The following TPCN1 variants were observed in gnomAD, a reference collection of about 807,000 sequenced individuals.
TPCN1 encodes two pore channel protein 1.
Under a neutral mutation model 108.8 loss-of-function variants are expected in TPCN1, and 52 were observed. The observed-to-expected ratio is 0.48, with a 90% CI of 0.38 to 0.60. The LOEUF is 0.60. TPCN1 is among the 20% of genes least tolerant of loss of function. The pLI, the probability that TPCN1 is intolerant of heterozygous loss-of-function variation, is 0.00. For missense variants in TPCN1, 806 were observed against 1,072.8 expected (o/e 0.75, Z 3.47); for synonymous variants, 446 against 433.7 (o/e 1.03, Z -0.35).
chr12:113,245,383 G>C (rs1432785093), intron 2 of TPCN1, among the ~76,000 whole-genome samples: 1 of 121,754 alleles, frequency 8.2e-6, no homozygotes, highest in African/African-American at 3.4e-5. Flanking sequence ...GGATCACGAG[G>C]TCAGGAGATC....
At chr12:113,230,615 T>A (rs1277493644) in intron 2 of TPCN1, among the ~76,000 whole-genome samples, 1 of 152,190 alleles carries the variant, frequency 6.6e-6, no homozygotes, top group Non-Finnish European at 1.5e-5. Flanking sequence ...CTTAGTCACC[T>A]TTAAAGGCCC....
intron 2 of TPCN1, chr12:113,249,357 C>T (rs1218134331): frequency 6.6e-6 from 1 of 152,210 alleles, no homozygotes; most frequent in African/African-American, 2.4e-5. Flanking sequence ...GAGCCACCCC[C>T]TACATTTCTC....
chr12:113,286,131 C>G (rs576805815), intron 18 of TPCN1, among the ~76,000 whole-genome samples, 170 bp downstream of exon 18: 2 of 152,310 alleles, frequency 1.3e-5, no homozygotes, highest in South Asian at 4.1e-4. Flanking sequence ...CCCAGGAACT[C>G]CCCAGGGTCA....
chr12:113,273,174 C>T lies in TPCN1; in HGVS notation c.784-58C>T. On this transcript the variant is annotated intron_variant, in intron 8 of 27. Transcript: ENST00000335509. The surrounding 1 kb of genome is among the most constrained non-coding windows in gnomAD (Gnocchi z 4.0). ...GCCAGGTGGCCCATCACAGCCTGTTCCTGATGGCCGTGTGCTCTTGGCTGG... is the reference window on the plus strand; with the variant it reads ...GCCAGGTGGCCCATCACAGCCTGTTTCTGATGGCCGTGTGCTCTTGGCTGG... 2 of 1,534,064 alleles carry T rather than the reference C, an allele frequency of 1.3e-6. No individual in the cohort carries two copies. The highest frequency in any genetic ancestry group is 1.8e-6 in the Non-Finnish European group (2 of 1,107,290).
At chr12:113,247,771 C>T (rs1292355052) in intron 2 of TPCN1, among the ~76,000 whole-genome samples, 1 of 152,212 alleles carries the variant, frequency 6.6e-6, no homozygotes, top group Non-Finnish European at 1.5e-5. Context: ...AGGCCCTTTG[C>T]GATCACCTGT....
rs779801701 is a variant in TPCN1 at position 113,272,715 on chromosome 12, C to T, written c.783+23C>T. ...CCCGTAAGTAATCAGCACATTTGTCCGTCTCTTCTTTTATGGAGGGCTTTT... is the reference window on the plus strand; with the variant it reads ...CCCGTAAGTAATCAGCACATTTGTCTGTCTCTTCTTTTATGGAGGGCTTTT... On this transcript the variant is annotated intron_variant, in intron 8 of 27. Coordinates refer to ENST00000335509, the MANE Select transcript of TPCN1 (RefSeq NM_017901.6). The surrounding 1 kb of genome is among the most constrained non-coding windows in gnomAD (Gnocchi z 4.1). 9.1e-5 allele frequency: 147 copies of T among 1,610,492 alleles called. 1 individual carries two copies. Among genetic ancestry groups the T allele is most frequent in the Non-Finnish European group, 1.2e-4 (138 of 1,176,800 alleles).
Position 113,273,544 on chromosome 12 carries a change from G to A in TPCN1, c.843-25G>A, listed in dbSNP as rs1165347525. ...GGATGGAGACAGGCAGATACAGCAC[G>A]CCGGGTCACCCTCTGCAAATACAGT... On this transcript the variant is annotated intron_variant, in intron 9 of 27. Coordinates refer to ENST00000335509, the MANE Select transcript of TPCN1 (RefSeq NM_017901.6). The surrounding 1 kb of genome is among the most constrained non-coding windows in gnomAD (Gnocchi z 4.0). 9 of 1,582,424 alleles carry A rather than the reference G, an allele frequency of 5.7e-6. No homozygotes were observed. Among genetic ancestry groups the A allele is most frequent in the African/African-American group, 5.4e-5 (4 of 74,244 alleles).
intron 3 of TPCN1, among the ~76,000 whole-genome samples, chr12:113,261,646 C>T (rs999487621): frequency 1.3e-5 from 2 of 152,032 alleles, no homozygotes. Context: ...CCAGGCTGAT[C>T]TCAAACTCTT....
Position 113,272,764 on chromosome 12 carries a change from G to T in TPCN1, c.783+72G>T. On this transcript the variant is annotated intron_variant, in intron 8 of 27. Transcript: ENST00000335509. The surrounding 1 kb of genome is among the most constrained non-coding windows in gnomAD (Gnocchi z 4.1). ...TTCCCTCAGACAGGGTCACCGGCGT[G>T]ACCCTGTGGCCATATGGGGAAGGGG... 1 of 1,499,432 alleles carries T rather than the reference G, an allele frequency of 6.7e-7. No homozygotes were observed. Among genetic ancestry groups the T allele is most frequent in the South Asian group, 1.1e-5 (1 of 88,628 alleles). The allele number at this position is 1,499,432 out of a possible 1,614,324, so 92.9% of individuals were successfully genotyped here. A position where few individuals can be genotyped will look rare whatever the true frequency, so the allele number is the denominator to read the frequency against.
intron 17 of TPCN1, among the ~76,000 whole-genome samples, chr12:113,285,571 T>C (rs1956046626): frequency 6.6e-6 from 1 of 152,224 alleles, no homozygotes; most frequent in African/African-American, 2.4e-5. Context: ...AGATGGGGTC[T>C]CACTATGTTG....
intron 18 of TPCN1, 33 bp downstream of exon 18, chr12:113,285,994 G>A (rs763172765): frequency 5.7e-6 from 9 of 1,584,896 alleles, no homozygotes; most frequent in South Asian, 5.5e-5. Context: ...ACCCAAAGCT[G>A]AGACTCTTGA....
chr12:113,245,600 CAAAAAAAAA>C (rs766002477), intron 2 of TPCN1, among the ~76,000 whole-genome samples: 2 of 43,198 alleles, frequency 4.6e-5, no homozygotes, highest in Admixed American at 4.5e-4. Context: ...GACTCCGTCT[CAAAAAAAAA>C]AAAAAAAAAA....
chr12:113,268,977 G>A lies in TPCN1; in HGVS notation c.659+105G>A. 2.3e-6 allele frequency: 3 copies of A among 1,322,040 alleles called. No individual in the cohort carries two copies. The highest frequency in any genetic ancestry group is 1.9e-4 in the Middle Eastern group (1 of 5,168). 81.9% of individuals were successfully genotyped at this position (1,322,040 alleles called of 1,614,324 possible). A position where few individuals can be genotyped will look rare whatever the true frequency, so the allele number is the denominator to read the frequency against. The stretch of plus-strand genomic sequence containing the variant: ...GTCAGTTAGTGATGAGGTCGACCCT[G>A]CATGCTGGTGGAGTACACGCAGACT... On this transcript the variant is annotated intron_variant, in intron 6 of 27. Coordinates refer to ENST00000335509, the MANE Select transcript of TPCN1 (RefSeq NM_017901.6). This position sits in a 1 kb window ranked among gnomAD's most constrained non-coding sequence, Gnocchi z 7.3.
chr12:113,233,738 T>C (rs1354268176), intron 2 of TPCN1, among the ~76,000 whole-genome samples: 2 of 152,218 alleles, frequency 1.3e-5, no homozygotes, highest in Non-Finnish European at 2.9e-5. Flanking sequence ...CAAAGCACTT[T>C]TGTGCTGCTA....
chr12:113,280,704 T>A (rs1955857485), intron 15 of TPCN1, among the ~76,000 whole-genome samples: 1 of 152,272 alleles, frequency 6.6e-6, no homozygotes, highest in Non-Finnish European at 1.5e-5. Flanking sequence ...CACAAATGGC[T>A]AATGACTACC....
At position 113,296,245 on chromosome 12, in the gene TPCN1, TCTTC is replaced by T. The variant is rs1286248343; in HGVS notation, c.*173_*176del. The T allele has an allele frequency of 2.7e-6, 3 of 1,115,950 alleles. No homozygotes were observed. Among genetic ancestry groups the T allele is most frequent in the Admixed American group, 2.8e-5 (1 of 35,846 alleles). 69.1% of individuals were successfully genotyped at this position (1,115,950 alleles called of 1,614,324 possible). A position where few individuals can be genotyped will look rare whatever the true frequency, so the allele number is the denominator to read the frequency against. On this transcript the variant is annotated 3_prime_UTR_variant, in exon 28 of 28. Transcript: ENST00000335509. ...CTTGGTTTATAACCACCTTGCCCTG[TCTTC>T]CTTAACTCCAGAAGCCAGTTTGGTG...
chr12:113,274,188 C>T lies in TPCN1; in HGVS notation c.942+520C>T, dbSNP rs112695200. Among the ~76,000 whole-genome samples the T allele has an allele frequency of 2.0e-5, 3 of 152,190 alleles. No individual in the cohort carries two copies. In the South Asian group the frequency reaches 6.2e-4, roughly 32 times the overall value. ...TTATACTGGGCTGGACATGGTGGCT[C>T]ACGCCTGTAATCCCAGCATTTTGGG... On this transcript the variant is annotated intron_variant, in intron 10 of 27. Transcript: ENST00000335509.
In TPCN1 at chr12:113,273,951, T is replaced by G. The variant is rs1043633899; in HGVS notation, c.942+283T>G. Among the ~76,000 whole-genome samples the G allele has an allele frequency of 2.0e-5, 3 of 152,206 alleles. No individual in the cohort carries two copies. Among genetic ancestry groups the G allele is most frequent in the Admixed American group, 6.5e-5 (1 of 15,282 alleles). On this transcript the variant is annotated intron_variant, in intron 10 of 27. Coordinates refer to ENST00000335509, the MANE Select transcript of TPCN1 (RefSeq NM_017901.6). This position sits in a 1 kb window ranked among gnomAD's most constrained non-coding sequence, Gnocchi z 4.0. ...AGGCAACCCTGGGACCTTTTCATTC[T>G]TACATCAGAAATAAGCAGTTGACCC...
At position 113,296,368 on chromosome 12, in the gene TPCN1, C is replaced by A; in HGVS notation, c.*292C>A. 2.6e-6 allele frequency: 1 copy of A among 381,414 alleles called. No individual in the cohort carries two copies. The highest frequency in any genetic ancestry group is 4.8e-6 in the Non-Finnish European group (1 of 209,550). 23.6% of individuals were successfully genotyped at this position (381,414 alleles called of 1,614,324 possible). A position where few individuals can be genotyped will look rare whatever the true frequency, so the allele number is the denominator to read the frequency against. On this transcript the variant is annotated 3_prime_UTR_variant, in exon 28 of 28. Transcript: ENST00000335509. ...AGGAGACCCCTCACCTGGATCCAGT[C>A]GACTGCGGGGCTTGCCCCTCATGTG...
Sources: gnomAD v4.1 joint callset for allele counts (sites outside exome capture counted in the v4.1 genomes callset) on GRCh38, gnomAD v4.1.1 for gene constraint, Gnocchi (gnomAD v3.1) non-coding constraint, MANE v1.5 for transcripts, NCBI Gene and HGNC (gene_info 2026-07-23, HGNC 2026-07-21) for gene names.